Variants in SCUBE3 observed in about 807,000 individuals in gnomAD.
SCUBE3 encodes the protein signal peptide, CUB domain and EGF like domain containing 3.
SCUBE3 carries 33 observed loss-of-function variants against 116.8 expected under a neutral mutation model. The observed-to-expected ratio is 0.28, with a 90% CI of 0.21 to 0.38. The LOEUF (loss-of-function observed/expected upper bound fraction) is 0.38, where lower values mean the gene tolerates loss of function less well. Ranked by LOEUF, SCUBE3 falls within the 10% of genes least tolerant of loss-of-function variation. The pLI is 1.00. For missense variants in SCUBE3, 1,007 were observed against 1,324.8 expected (o/e 0.76, Z 3.72); for synonymous variants, 418 against 496.9 (o/e 0.84, Z 2.11).
In SCUBE3 at chr6:35,240,114, G is replaced by A. The variant is rs918188774; in HGVS notation, c.952+240G>A. Among the ~76,000 whole-genome samples, 2 of 152,242 alleles carry A rather than the reference G, an allele frequency of 1.3e-5. No individual in the cohort carries two copies. Among genetic ancestry groups the A allele is most frequent in the Admixed American group, 1.3e-4 (2 of 15,282 alleles). On this transcript the variant is annotated intron_variant, in intron 8 of 21. Coordinates refer to ENST00000274938, the MANE Select transcript of SCUBE3 (RefSeq NM_152753.4). The surrounding 1 kb of genome is among the most constrained non-coding windows in gnomAD (Gnocchi z 4.6). The stretch of plus-strand genomic sequence containing the variant: ...TTCACCCCAATTCATATCCTTGGCA[G>A]AGTAGGACGTACCTAACCACACATG...
chr6:35,215,765 T>G (rs1401814524), intron 1 of SCUBE3, among the ~76,000 whole-genome samples: 2 of 152,034 alleles, frequency 1.3e-5, no homozygotes, highest in Non-Finnish European at 2.9e-5. Flanking sequence ...CTCTTCCCCC[T>G]CCAACCTGTC....
intron 7 of SCUBE3, among the ~76,000 whole-genome samples, chr6:35,238,890 G>A (rs76760968): frequency 0.011 from 1,713 of 152,270 alleles, 33 homozygotes; most frequent in African/African-American, 0.039. Flanking sequence ...ACAGCTGCGA[G>A]AGGAGGGGGG....
chr6:35,218,044 A>C, intron 1 of SCUBE3: 1 of 665,014 alleles, frequency 1.5e-6, no homozygotes, highest in Non-Finnish European at 1.9e-6. Flanking sequence ...ACTAGAAGAC[A>C]CTAAGGCCAG....
At chr6:35,220,107 A>T (rs1434148818) in intron 1 of SCUBE3, among the ~76,000 whole-genome samples, 1 of 152,232 alleles carries the variant, frequency 6.6e-6, no homozygotes, top group Non-Finnish European at 1.5e-5. Context: ...TACTGGATGC[A>T]TGCTTCATGC....
At chr6:35,248,517 G>A (rs371450482) in intron 21 of SCUBE3, 39 bp from the exon 22 acceptor site, 23 of 1,608,720 alleles carry the variant, frequency 1.4e-5, no homozygotes, top group African/African-American at 8.0e-5. Context: ...TCCCACCCCC[G>A]ACGGTGAGGC....
chr6:35,225,681 G>T (rs181940069), intron 1 of SCUBE3, among the ~76,000 whole-genome samples: 2 of 152,302 alleles, frequency 1.3e-5, no homozygotes, highest in East Asian at 3.9e-4. Flanking sequence ...GGGGATTTCA[G>T]TTCTCTTCTT....
chr6:35,216,315 A>T (rs903576480), intron 1 of SCUBE3, among the ~76,000 whole-genome samples: 1 of 152,182 alleles, frequency 6.6e-6, no homozygotes, highest in African/African-American at 2.4e-5. Context: ...ATGCTGCCAG[A>T]GTGAAGGCCC....
chr6:35,242,595 C>G, intron 13 of SCUBE3, 27 bp from the exon 14 acceptor site: 1 of 1,597,344 alleles, frequency 6.3e-7, no homozygotes, highest in Non-Finnish European at 8.6e-7. Flanking sequence ...GGGGATGTCC[C>G]TGGGGTTGAC....
rs1394766676 is a variant in SCUBE3, at chr6:35,218,158, T to C, written c.85+3655T>C. 3.0e-6 allele frequency: 3 copies of C among 985,122 alleles called. No individual in the cohort carries two copies. The African/African-American group carries it at 5.2e-5, about 17-fold the overall frequency. 61.0% of individuals were successfully genotyped at this position (985,122 alleles called of 1,614,324 possible). A position where few individuals can be genotyped will look rare whatever the true frequency, so the allele number is the denominator to read the frequency against. The stretch of plus-strand genomic sequence containing the variant: ...AGAGCATGAGAACCGGTTTGAGATG[T>C]GAGCAGCTGGGACCTGTTGTAAGAG... On this transcript the variant is annotated intron_variant, in intron 1 of 21. Coordinates refer to ENST00000274938, the MANE Select transcript of SCUBE3 (RefSeq NM_152753.4).
rs1784502933 is a variant in SCUBE3, at chr6:35,250,220, A to G, written c.*1515A>G. On this transcript the variant is annotated 3_prime_UTR_variant, in exon 22 of 22. Coordinates refer to ENST00000274938, the MANE Select transcript of SCUBE3 (RefSeq NM_152753.4). ...CTATGTTTGCTAAACCAATCTTGCTATCCCTATGCCTCTCCATGGAGTCAG... is the reference window on the plus strand; with the variant it reads ...CTATGTTTGCTAAACCAATCTTGCTGTCCCTATGCCTCTCCATGGAGTCAG... The G allele has an allele frequency of 6.6e-6, 1 of 152,300 alleles. No individual in the cohort carries two copies. The highest frequency in any genetic ancestry group is 2.4e-5 in the African/African-American group (1 of 41,432). 9.4% of individuals were successfully genotyped at this position (152,300 alleles called of 1,614,324 possible). A position where few individuals can be genotyped will look rare whatever the true frequency, so the allele number is the denominator to read the frequency against.
At chr6:35,224,791 T>C (rs1190469061) in intron 1 of SCUBE3, among the ~76,000 whole-genome samples, 1 of 152,156 alleles carries the variant, frequency 6.6e-6, no homozygotes, top group Non-Finnish European at 1.5e-5. Context: ...AAGCACCAGC[T>C]GATTCAGTCA....
Position 35,245,490 on chromosome 6 carries a change from G to C in SCUBE3, c.2599+65G>C, listed in dbSNP as rs1318844937. 7.5e-7 allele frequency: 1 copy of C among 1,324,612 alleles called. No individual in the cohort carries two copies. The highest frequency in any genetic ancestry group is 1.7e-5 in the Admixed American group (1 of 58,690). 82.1% of individuals were successfully genotyped at this position (1,324,612 alleles called of 1,614,324 possible). On this transcript the variant is annotated intron_variant, in intron 19 of 21. Transcript: ENST00000274938. The surrounding 1 kb of genome is among the most constrained non-coding windows in gnomAD (Gnocchi z 4.2). ...AAATCTGGTTAAGGCGGAGAACAAA[G>C]AGAGAGACTGATACAGGAAGAAATG... is the stretch of plus-strand genomic sequence containing the variant.
chr6:35,241,171 G>A lies in SCUBE3; in HGVS notation c.1100G>A (p.Gly367Asp). ...DVDECSINRG[G>D]CRFGCINTPG... is the part of the protein sequence containing the mutation. ...GATGAATGCAGCATCAACCGGGGAG[G>A]TTGCCGCTTTGGCTGCATCAACACT... The change falls in exon 10 of 22, where the codon GGT becomes GAT. Residue 367 changes from glycine (G) to aspartate (D), a missense_variant. This residue lies in a region of SCUBE3 where 544 missense variants were observed against 638.9 expected (regional missense o/e 0.85). Transcript: ENST00000274938. This position sits in a 1 kb window ranked among gnomAD's most constrained non-coding sequence, Gnocchi z 4.1. The A allele has an allele frequency of 6.2e-7, 1 of 1,602,956 alleles. No homozygotes were observed. The highest frequency in any genetic ancestry group is 8.5e-7 in the Non-Finnish European group (1 of 1,170,808).
chr6:35,218,273 T>G, intron 1 of SCUBE3: 1 of 326,892 alleles, frequency 3.1e-6, no homozygotes, highest in Non-Finnish European at 4.4e-6. Context: ...TGTGTGTGTG[T>G]GAAGTGCTCT....
chr6:35,244,759 A>C lies in SCUBE3; in HGVS notation c.2349A>C (p.Pro783=), dbSNP rs1329913305. 2 of 1,614,226 alleles carry C rather than the reference A, an allele frequency of 1.2e-6. No homozygotes were observed. The change falls in exon 18 of 22, where the codon CCA becomes CCC. Residue 783 remains proline (P), a synonymous_variant. Transcript: ENST00000274938. This position sits in a 1 kb window ranked among gnomAD's most constrained non-coding sequence, Gnocchi z 4.3. ...GTCAGAACTTCTGCAGCCGCTGTCC[A>C]GGAAACACAAGCACAGACTTTGATG... ...DFRQNFCSRC[P]GNTSTDFDGS...
At position 35,232,599 on chromosome 6, in the gene SCUBE3, A is replaced by G. The variant is rs1381779240; in HGVS notation, c.470-251A>G. Among the ~76,000 whole-genome samples, 2 of 152,158 alleles carry G rather than the reference A, an allele frequency of 1.3e-5. No homozygotes were observed. The highest frequency in any genetic ancestry group is 1.9e-4 in the East Asian group (1 of 5,182). ...TTTTGGTTGTTTAAAGGAAAGGGTG[A>G]TCATTCGTTGGGATGAGTATCAATA... On this transcript the variant is annotated intron_variant, in intron 4 of 21. Transcript: ENST00000274938. The surrounding 1 kb of genome is among the most constrained non-coding windows in gnomAD (Gnocchi z 4.2).
In SCUBE3 at chr6:35,242,251, G is replaced by A; in HGVS notation, c.1465G>A (p.Asp489Asn). The change falls in exon 13 of 22, where the codon GAT becomes AAT. Residue 489 changes from aspartate to asparagine, a missense_variant. Asp to Asn is a conservative substitution (Grantham distance 23). Around this residue, in one of 5 missense-constraint regions of SCUBE3, gnomAD observed 544 missense variants for 638.9 expected, o/e 0.85. Coordinates refer to ENST00000274938, the MANE Select transcript of SCUBE3 (RefSeq NM_152753.4). Reference protein sequence around the residue: ...IKQRASFKIKDAKCRLHLRNK... With the variant: ...IKQRASFKIKNAKCRLHLRNK... Reference sequence around the variant, plus strand: ...ACAACGGGCCTCCTTCAAGATCAAGGATGCCAAATGCCGTTTGCACCTGCG... The same window carrying A: ...ACAACGGGCCTCCTTCAAGATCAAGAATGCCAAATGCCGTTTGCACCTGCG... 6.2e-7 allele frequency: 1 copy of A among 1,614,114 alleles called. No individual in the cohort carries two copies. The highest frequency in any genetic ancestry group is 8.5e-7 in the Non-Finnish European group (1 of 1,179,992).
At position 35,228,866 on chromosome 6, in the gene SCUBE3, G is replaced by A. The variant is rs1321094024; in HGVS notation, c.334+127G>A. ...AGAGCTACATTCACAAGAGAATAAG[G>A]TCAGCCTCCCCTTTGAGACTGGCCA... On this transcript the variant is annotated intron_variant, in intron 3 of 21. Coordinates refer to ENST00000274938, the MANE Select transcript of SCUBE3 (RefSeq NM_152753.4). This position sits in a 1 kb window ranked among gnomAD's most constrained non-coding sequence, Gnocchi z 4.9. The A allele has an allele frequency of 1.5e-5, 15 of 1,004,474 alleles. No homozygotes were observed. The East Asian group carries it at 2.4e-4, about 16-fold the overall frequency. 62.2% of individuals were successfully genotyped at this position (1,004,474 alleles called of 1,614,324 possible). A position where few individuals can be genotyped will look rare whatever the true frequency, so the allele number is the denominator to read the frequency against.
chr6:35,215,889 G>A (rs532518225), intron 1 of SCUBE3, among the ~76,000 whole-genome samples: 13 of 152,200 alleles, frequency 8.5e-5, no homozygotes, highest in African/African-American at 2.6e-4. Context: ...ACAGCGCATC[G>A]CCACTGCCAC....
Sources: allele counts gnomAD v4.1 joint callset (sites outside exome capture counted in the v4.1 genomes callset), GRCh38; gene constraint gnomAD v4.1.1; regional missense constraint gnomAD v4.1.1; non-coding constraint Gnocchi (gnomAD v3.1); transcripts MANE v1.5; gene names NCBI Gene and HGNC (gene_info 2026-07-23, HGNC 2026-07-21).